Variants in GRID2 observed in about 807,000 individuals in gnomAD.
GRID2 encodes glutamate ionotropic receptor delta type subunit 2, also known as glutamate receptor ionotropic, delta-2.
In GRID2, 33 loss-of-function variants were observed where a neutral mutation model predicts 114.8. The ratio of observed to expected loss-of-function variants is 0.29; its 90% confidence interval spans 0.22 to 0.38. The LOEUF (loss-of-function observed/expected upper bound fraction) is 0.38. GRID2 is among the 10% of genes least tolerant of loss of function. The probability of loss-of-function intolerance (pLI) is 1.00; values close to 1 mark genes in which losing one functional copy is unlikely to be tolerated. For missense variants in GRID2, 1,184 were observed against 1,257.7 expected (o/e 0.94, Z 0.89); for synonymous variants, 505 against 449.9 (o/e 1.12, Z -1.55).
At chr4:93,066,599 A>T (rs1728317615) in intron 2 of GRID2, among the ~76,000 whole-genome samples, 1 of 151,974 alleles carries the variant, frequency 6.6e-6, no homozygotes, top group African/African-American at 2.4e-5. Context: ...CTATGTACAA[A>T]TTTCTTTTTC....
chr4:93,470,456 C>A (rs1724696247), intron 11 of GRID2, among the ~76,000 whole-genome samples: 1 of 152,056 alleles, frequency 6.6e-6, no homozygotes, highest in Non-Finnish European at 1.5e-5. Flanking sequence ...GCAATTTAAT[C>A]CTCAAATCTG....
At chr4:93,319,374 TA>T (rs1292464943) in intron 8 of GRID2, among the ~76,000 whole-genome samples, 4 of 152,112 alleles carry the variant, frequency 2.6e-5, no homozygotes, top group Non-Finnish European at 5.9e-5. Flanking sequence ...GTCAATTTCT[TA>T]ATTTAGCTCA....
chr4:93,360,626 G>A (rs1185017688), intron 8 of GRID2, among the ~76,000 whole-genome samples: 2 of 151,716 alleles, frequency 1.3e-5, no homozygotes, highest in African/African-American at 4.8e-5. Flanking sequence ...TATTTATTTT[G>A]TAACATGCTC....
At chr4:93,133,194 CCTCA>C (rs1315441743) in intron 4 of GRID2, among the ~76,000 whole-genome samples, 2 of 152,108 alleles carry the variant, frequency 1.3e-5, no homozygotes. Context: ...ATATTATACT[CCTCA>C]CTATTTCTGA....
At chr4:92,415,139 ATATTT>A (rs1731533925) in intron 1 of GRID2, among the ~76,000 whole-genome samples, 2 of 152,124 alleles carry the variant, frequency 1.3e-5, no homozygotes, top group Admixed American at 6.5e-5. Context: ...TTTTCATCTA[ATATTT>A]TATTTTCATG....
intron 2 of GRID2, among the ~76,000 whole-genome samples, chr4:92,837,625 A>T (rs1179763798): frequency 1.3e-5 from 2 of 152,120 alleles, no homozygotes; most frequent in African/African-American, 4.8e-5. Context: ...TGGTGTTCAG[A>T]AATGGCCAAA....
intron 13 of GRID2, among the ~76,000 whole-genome samples, chr4:93,619,894 T>C (rs964667665): frequency 5.3e-5 from 8 of 152,234 alleles, no homozygotes; most frequent in African/African-American, 1.9e-4. Context: ...TCAAACTCCA[T>C]AGGCTATACC....
chr4:92,320,474 T>C (rs1471477598), intron 1 of GRID2, among the ~76,000 whole-genome samples: 2 of 152,024 alleles, frequency 1.3e-5, no homozygotes, highest in African/African-American at 2.4e-5. Context: ...TATTACCTAC[T>C]TTTTTTTCTC....
intron 8 of GRID2, among the ~76,000 whole-genome samples, chr4:93,262,827 T>TAAA (rs36049862): frequency 1.3e-5 from 2 of 151,310 alleles, no homozygotes; most frequent in Non-Finnish European, 3.0e-5. Flanking sequence ...AATAGATTTC[T>TAAA]AAAAAAAATG....
At chr4:93,385,346 T>G (rs1306154609) in intron 8 of GRID2, among the ~76,000 whole-genome samples, 1 of 152,226 alleles carries the variant, frequency 6.6e-6, no homozygotes, top group Non-Finnish European at 1.5e-5. Context: ...CCCAATCATA[T>G]TAAACAATTG....
Position 92,482,022 on chromosome 4 carries a change from A to C in GRID2, c.89-108109A>C, listed in dbSNP as rs1169809281. On this transcript the variant is annotated intron_variant, in intron 1 of 15. Transcript: ENST00000282020. ...TATATATATATATATATATATATATATATATATATATAAAATAACAATACA... is the reference window on the plus strand; with the variant it reads ...TATATATATATATATATATATATATCTATATATATATAAAATAACAATACA... 2.9e-4 allele frequency among the ~76,000 whole-genome samples: 20 copies of C among 68,472 alleles called. 1 individual carries two copies. The highest frequency in any genetic ancestry group is 1.0e-3 in the African/African-American group (19 of 18,882). The allele number at this position is 68,472 out of a possible 152,430, so 44.9% of individuals were successfully genotyped here.
At chr4:93,347,193 T>C (rs961388805) in intron 8 of GRID2, among the ~76,000 whole-genome samples, 1 of 152,006 alleles carries the variant, frequency 6.6e-6, no homozygotes, top group African/African-American at 2.4e-5. Flanking sequence ...TGAATTTATG[T>C]TGTACTATTT....
intron 2 of GRID2, among the ~76,000 whole-genome samples, chr4:92,752,789 TAG>T (rs1209106739): frequency 6.6e-6 from 1 of 152,132 alleles, no homozygotes; most frequent in African/African-American, 2.4e-5. Flanking sequence ...GACTTATTAA[TAG>T]AGGTCCAGTA....
At chr4:92,965,862 AATATTTAT>A (rs1362493738) in intron 2 of GRID2, among the ~76,000 whole-genome samples, 1 of 151,924 alleles carries the variant, frequency 6.6e-6, no homozygotes, top group East Asian at 1.9e-4. Context: ...ATTCTTTTAC[AATATTTAT>A]ACTGACAACC....
chr4:92,877,830 T>A (rs563668848), intron 2 of GRID2, among the ~76,000 whole-genome samples: 1 of 152,256 alleles, frequency 6.6e-6, no homozygotes, highest in South Asian at 2.1e-4. Context: ...GACTTAAGAT[T>A]TCAAGATTGG....
At chr4:92,469,485 T>G (rs1721915130) in intron 1 of GRID2, among the ~76,000 whole-genome samples, 1 of 152,126 alleles carries the variant, frequency 6.6e-6, no homozygotes, top group Non-Finnish European at 1.5e-5. Flanking sequence ...CCTAAATCAA[T>G]GTAAATGCTA....
chr4:93,091,334 A>T (rs1463036934), intron 3 of GRID2, among the ~76,000 whole-genome samples: 2 of 152,082 alleles, frequency 1.3e-5, no homozygotes, highest in Non-Finnish European at 2.9e-5. Flanking sequence ...CAGTAGACTT[A>T]TTTCTAAGAA....
chr4:92,900,711 G>A (rs1049379149), intron 2 of GRID2, among the ~76,000 whole-genome samples: 2 of 152,014 alleles, frequency 1.3e-5, no homozygotes, highest in African/African-American at 4.8e-5. Context: ...GCATGTGCCT[G>A]TAGTCCCAGC....
intron 1 of GRID2, among the ~76,000 whole-genome samples, chr4:92,465,676 C>A (rs1026809436): frequency 2.0e-4 from 31 of 152,022 alleles, no homozygotes; most frequent in African/African-American, 6.8e-4. Context: ...AAAGCAACAT[C>A]ATCTCATTTG....
Sources: allele counts gnomAD v4.1 joint callset (sites outside exome capture counted in the v4.1 genomes callset), GRCh38; gene constraint gnomAD v4.1.1; transcripts MANE v1.5; gene names NCBI Gene and HGNC (gene_info 2026-07-23, HGNC 2026-07-21).